Variants in RASSF3 observed in about 807,000 individuals in gnomAD.
The protein encoded by RASSF3 is Ras association domain family member 3, also known as ras association domain-containing protein 3.
RASSF3 carries 19 observed loss-of-function variants against 19.9 expected under a neutral mutation model. The ratio of observed to expected loss-of-function variants is 0.96; its 90% CI spans 0.67 to 1.40. RASSF3 has a LOEUF of 1.40. Ranked by LOEUF, RASSF3 falls within the 40% of genes most tolerant of loss-of-function variation. RASSF3 has a pLI of 0.00. For missense variants in RASSF3, 306 were observed against 289.8 expected (o/e 1.06, Z -0.41); for synonymous variants, 110 against 104.2 (o/e 1.06, Z -0.34).
chr12:64,532,446 CGA>C (rs1868731769), upstream of RASSF3, among the ~76,000 whole-genome samples: 1 of 152,146 alleles, frequency 6.6e-6, no homozygotes, highest in South Asian at 2.1e-4. Context: ...CAAGAAACAT[CGA>C]GAGATTCTTT....
intron 2 of RASSF3, among the ~76,000 whole-genome samples, chr12:64,685,925 C>G (rs1441012930): frequency 6.6e-6 from 1 of 152,188 alleles, no homozygotes; most frequent in Non-Finnish European, 1.5e-5. Flanking sequence ...ATCCCCGTCT[C>G]TCAGTCTGTT....
In RASSF3 at chr12:64,627,656, G is replaced by T. The variant is rs561972635; in HGVS notation, c.111+16913G>T. Among the ~76,000 whole-genome samples, 7 of 152,256 alleles carry T rather than the reference G, an allele frequency of 4.6e-5. No individual in the cohort carries two copies. In the South Asian group the frequency reaches 1.5e-3, roughly 32 times the overall value. ...ATAATCAAGGAAAAGTTGGGCAAAG[G>T]CACTAAAATGAGTTTCTTTTGGTTT... On this transcript the variant is annotated intron_variant, in intron 1 of 4. Coordinates refer to ENST00000542104, the MANE Select transcript of RASSF3 (RefSeq NM_178169.4).
intron 1 of RASSF3, among the ~76,000 whole-genome samples, chr12:64,642,902 G>A (rs1475007408): frequency 1.4e-5 from 2 of 145,070 alleles, no homozygotes; most frequent in Admixed American, 7.1e-5. Flanking sequence ...GTCTCACTCT[G>A]TTGCCCAAGC....
At chr12:64,517,872 G>A (rs962594370) in intron 1 of RASSF3, among the ~76,000 whole-genome samples, 5 of 151,928 alleles carry the variant, frequency 3.3e-5, no homozygotes, top group African/African-American at 9.7e-5. Context: ...TCCTACTTTG[G>A]CCCCCAAAGT....
chr12:64,583,258 C>G (rs1302910907), intron 2 of RASSF3, among the ~76,000 whole-genome samples: 1 of 152,190 alleles, frequency 6.6e-6, no homozygotes, highest in Non-Finnish European at 1.5e-5. Flanking sequence ...AAAAGAATCT[C>G]CCTTTTTACT....
intron 1 of RASSF3, chr12:64,622,599 A>T (rs777435336): frequency 2.2e-6 from 1 of 460,006 alleles, no homozygotes; most frequent in Admixed American, 2.6e-5. Flanking sequence ...GCACCAACTT[A>T]ATACTTTCAG....
At chr12:64,543,858 A>G (rs148364474), downstream of RASSF3, among the ~76,000 whole-genome samples, 1,267 of 152,128 alleles carry the variant, frequency 8.3e-3, 12 homozygotes, top group Middle Eastern at 0.037. Flanking sequence ...AAATACACCA[A>G]TCAGCACTCT....
intron 1 of RASSF3, 65 bp from the exon 2 acceptor site, chr12:64,684,722 C>T (rs550171304): frequency 8.6e-5 from 94 of 1,089,290 alleles, no homozygotes; most frequent in East Asian, 1.7e-4. Flanking sequence ...TGAGCCACTG[C>T]GCCCGGCCTA....
chr12:64,539,790 T>A (rs1265137604), intron 1 of RASSF3, among the ~76,000 whole-genome samples: 1 of 151,932 alleles, frequency 6.6e-6, no homozygotes, highest in Non-Finnish European at 1.5e-5. Flanking sequence ...AAAAAAAAAA[T>A]TTCTCATACC....
At chr12:64,604,547 A>G (rs1030369738) in intron 2 of RASSF3, among the ~76,000 whole-genome samples, 2 of 152,204 alleles carry the variant, frequency 1.3e-5, no homozygotes, top group Non-Finnish European at 2.9e-5. Flanking sequence ...GTTGCAGCCA[A>G]TAGGCACTGA....
At chr12:64,610,822 C>A in intron 1 of RASSF3, 79 bp downstream of exon 1, 2 of 831,768 alleles carry the variant, frequency 2.4e-6, no homozygotes, top group Non-Finnish European at 3.6e-6. Flanking sequence ...CCTGCCTCCA[C>A]GTGTCTCTGC....
chr12:64,520,555 CATATATATATAT>C (rs66975333), intron 1 of RASSF3, among the ~76,000 whole-genome samples: 49 of 86,368 alleles, frequency 5.7e-4, no homozygotes, highest in South Asian at 2.1e-3. Context: ...CACATACACA[CATATATATATAT>C]ATATATATAT....
At chr12:64,692,800 C>T (rs1388470116) in intron 4 of RASSF3, among the ~76,000 whole-genome samples, 1 of 152,186 alleles carries the variant, frequency 6.6e-6, no homozygotes, top group Non-Finnish European at 1.5e-5. Flanking sequence ...TGGTCTCAAA[C>T]TCCTGGGCTC....
intron 1 of RASSF3, among the ~76,000 whole-genome samples, chr12:64,641,471 C>A (rs1173154368): frequency 1.4e-5 from 2 of 147,676 alleles, no homozygotes; most frequent in African/African-American, 5.3e-5. Flanking sequence ...GGGACTAGAC[C>A]TGTACAGTTG....
chr12:64,541,050 G>C (rs1171935461), intron 1 of RASSF3, among the ~76,000 whole-genome samples: 7 of 145,546 alleles, frequency 4.8e-5, no homozygotes, highest in African/African-American at 1.7e-4. Context: ...CTAGCACTTT[G>C]GGATTACACT....
At chr12:64,688,881 C>T (rs572421345) in intron 3 of RASSF3, among the ~76,000 whole-genome samples, 10 of 152,142 alleles carry the variant, frequency 6.6e-5, no homozygotes, top group South Asian at 4.1e-4. Flanking sequence ...TGAGATCTTG[C>T]GACTGGGGAG....
intron 2 of RASSF3, among the ~76,000 whole-genome samples, chr12:64,595,780 G>A (rs1224090786): frequency 6.6e-6 from 1 of 152,164 alleles, no homozygotes; most frequent in East Asian, 1.9e-4. Flanking sequence ...TTCAGAAGCA[G>A]CCTAAGAAGC....
At chr12:64,543,820 A>T (rs1306291777), downstream of RASSF3, among the ~76,000 whole-genome samples, 1 of 151,924 alleles carries the variant, frequency 6.6e-6, no homozygotes, top group Admixed American at 6.6e-5. Context: ...TGCACCAATC[A>T]GCACTCTGGG....
intron 1 of RASSF3, among the ~76,000 whole-genome samples, chr12:64,633,307 A>G (rs1871224619): frequency 6.6e-6 from 1 of 152,162 alleles, no homozygotes; most frequent in Admixed American, 6.5e-5. Flanking sequence ...CGTGATCCAC[A>G]ATGTTGGAGT....
Sources: allele counts gnomAD v4.1 joint callset (sites outside exome capture counted in the v4.1 genomes callset), GRCh38; gene constraint gnomAD v4.1.1; transcripts MANE v1.5; gene names NCBI Gene and HGNC (gene_info 2026-07-23, HGNC 2026-07-21).